The following THEMIS variants were observed in gnomAD, a reference collection of about 807,000 sequenced individuals.
The protein encoded by THEMIS is protein THEMIS.
Under a neutral mutation model 52.6 loss-of-function variants are expected in THEMIS, and 37 were observed. The ratio of observed to expected loss-of-function variants is 0.70; its 90% confidence interval spans 0.54 to 0.93. The LOEUF (loss-of-function observed/expected upper bound fraction) is 0.93, where lower values mean the gene tolerates loss of function less well. Among genes scored for constraint, THEMIS ranks in the 40% least tolerant of loss-of-function variants. The pLI is 0.00. For missense variants in THEMIS, 808 were observed against 763.1 expected, an observed-to-expected ratio of 1.06 and a Z score of -0.69; for synonymous variants, 292 against 272.7, an observed-to-expected ratio of 1.07 and a Z score of -0.70.
At chr6:127,779,690 G>A (rs1359726770) in intron 4 of THEMIS, among the ~76,000 whole-genome samples, 1 of 152,122 alleles carries the variant, frequency 6.6e-6, no homozygotes, top group East Asian at 1.9e-4. Context: ...CAAAAATAGT[G>A]GAGCTTGTCA....
chr6:127,794,744 TG>T, intron 4 of THEMIS, among the ~76,000 whole-genome samples: 1 of 152,358 alleles, frequency 6.6e-6, no homozygotes, highest in Non-Finnish European at 1.5e-5. Context: ...AGGTACACCT[TG>T]ATATTCTTTC....
At chr6:127,835,485 T>G (rs190287137) in intron 2 of THEMIS, among the ~76,000 whole-genome samples, 57 of 152,292 alleles carry the variant, frequency 3.7e-4, no homozygotes, top group Admixed American at 2.9e-3. Flanking sequence ...GGTGATTAAA[T>G]AAGCTAATAC....
intron 2 of THEMIS, among the ~76,000 whole-genome samples, chr6:127,834,739 A>G (rs999175018): frequency 1.3e-5 from 2 of 152,160 alleles, no homozygotes; most frequent in African/African-American, 2.4e-5. Flanking sequence ...TTGCATGGGG[A>G]AAACAAATAA....
intron 4 of THEMIS, among the ~76,000 whole-genome samples, chr6:127,748,386 G>C (rs1026454233): frequency 6.6e-6 from 1 of 151,852 alleles, no homozygotes; most frequent in African/African-American, 2.4e-5. Flanking sequence ...TGTGAAAAGG[G>C]GCAAAACACC....
intron 5 of THEMIS, among the ~76,000 whole-genome samples, chr6:127,718,566 C>T (rs752833036): frequency 3.9e-5 from 6 of 151,912 alleles, no homozygotes; most frequent in Non-Finnish European, 8.8e-5. Flanking sequence ...ATTGTGTTAT[C>T]TGGTACTTTT....
intron 4 of THEMIS, among the ~76,000 whole-genome samples, chr6:127,784,920 T>C (rs1019400166): frequency 2.6e-5 from 4 of 152,144 alleles, no homozygotes; most frequent in Non-Finnish European, 4.4e-5. Context: ...GCATTCTAAT[T>C]CTAAATCTTC....
In THEMIS at chr6:127,906,953, C is replaced by A. The variant is rs201186753; in HGVS notation, c.-149-5872G>T. Among the ~76,000 whole-genome samples, 701 of 140,698 alleles carry A rather than the reference C, an allele frequency of 5.0e-3. 7 individuals are homozygous for A. Among genetic ancestry groups the A allele is most frequent in the African/African-American group, 0.014 (487 of 35,900 alleles). The allele number at this position is 140,698 out of a possible 152,430, so 92.3% of individuals were successfully genotyped here. ...GTAGAACTGTCTGAATGTTAAAAAA[C>A]AAAAAAAAAAATTCACAAGCAGAGA... On this transcript the variant is annotated intron_variant, in intron 1 of 6. Coordinates refer to the THEMIS transcript ENST00000368250.
In THEMIS at chr6:127,772,613, T is replaced by C. The variant is rs1013616692; in HGVS notation, c.1758+40270A>G. 3.3e-5 allele frequency among the ~76,000 whole-genome samples: 5 copies of C among 152,160 alleles called. 1 individual carries two copies. The highest frequency in any genetic ancestry group is 3.3e-4 in the Admixed American group (5 of 15,272). On this transcript the variant is annotated intron_variant, in intron 4 of 5. Transcript: ENST00000368248. The stretch of plus-strand genomic sequence containing the variant: ...AGAATTTGGATGTGATACTTCATTT[T>C]TGTACAGTCAGAAGCACTCACATAT...
chr6:127,795,487 C>A (rs1488292338), intron 4 of THEMIS, among the ~76,000 whole-genome samples: 1 of 152,168 alleles, frequency 6.6e-6, no homozygotes, highest in Non-Finnish European at 1.5e-5. Context: ...TGCCACCACA[C>A]CCGGCTAATT....
intron 4 of THEMIS, among the ~76,000 whole-genome samples, chr6:127,726,794 A>C (rs1367434902): frequency 6.6e-6 from 1 of 152,130 alleles, no homozygotes; most frequent in Non-Finnish European, 1.5e-5. Context: ...TAGGTGGAGA[A>C]CCTCTTCACA....
chr6:127,789,116 AATAG>A lies in THEMIS; in HGVS notation c.1758+23763_1758+23766del, dbSNP rs571820882. Among the ~76,000 whole-genome samples, 946 of 152,296 alleles carry A rather than the reference AATAG, an allele frequency of 6.2e-3. 5 individuals carry two copies. The highest frequency in any genetic ancestry group is 0.016 in the South Asian group (75 of 4,830). On this transcript the variant is annotated intron_variant, in intron 4 of 5. Coordinates refer to ENST00000368248, the MANE Select transcript of THEMIS (RefSeq NM_001010923.3). ...GCTGATTTTTTGAAAAGATTAACAA[AATAG>A]ATAGACCACTAGCCAGACTAATAAA...
At chr6:127,743,803 C>T (rs1020414695) in intron 4 of THEMIS, among the ~76,000 whole-genome samples, 1 of 152,018 alleles carries the variant, frequency 6.6e-6, no homozygotes, top group Non-Finnish European at 1.5e-5. Context: ...CTGTTGAATA[C>T]AATATATAAA....
intron 4 of THEMIS, among the ~76,000 whole-genome samples, chr6:127,782,058 C>G (rs1361918919): frequency 6.6e-6 from 1 of 152,148 alleles, no homozygotes; most frequent in Non-Finnish European, 1.5e-5. Context: ...TGTGCTCCAC[C>G]CAGTTTGAAC....
intron 4 of THEMIS, among the ~76,000 whole-genome samples, chr6:127,802,186 T>G (rs1027644224): frequency 6.6e-6 from 1 of 152,144 alleles, no homozygotes; most frequent in African/African-American, 2.4e-5. Flanking sequence ...TTAGGGAGAT[T>G]GGGATGGTGG....
At chr6:127,899,594 G>T (rs2114500391) in intron 1 of THEMIS, among the ~76,000 whole-genome samples, 1 of 151,826 alleles carries the variant, frequency 6.6e-6, no homozygotes, top group African/African-American at 2.4e-5. Flanking sequence ...TCATAACATT[G>T]TCCTCCAAAT....
intron 4 of THEMIS, among the ~76,000 whole-genome samples, chr6:127,782,022 G>A (rs919546873): frequency 6.6e-6 from 1 of 152,100 alleles, no homozygotes; most frequent in African/African-American, 2.4e-5. Flanking sequence ...AGGCAGTCTG[G>A]CTACAGCAGC....
chr6:127,902,883 T>C (rs1490594098), upstream of THEMIS, among the ~76,000 whole-genome samples: 3 of 152,074 alleles, frequency 2.0e-5, no homozygotes, highest in Non-Finnish European at 2.9e-5. Flanking sequence ...TCATTTGATA[T>C]CTAATGCAAG....
chr6:127,847,683 T>C lies in THEMIS; in HGVS notation c.250+7347A>G, dbSNP rs1350120295. On this transcript the variant is annotated intron_variant, in intron 2 of 5. Transcript: ENST00000368248. ...TGGAAACACATCCCATGCTCACAGA[T>C]GGGAAGAGTCAATATTGTGAAAATG... is the stretch of plus-strand genomic sequence containing the variant. 6.6e-5 allele frequency among the ~76,000 whole-genome samples: 10 copies of C among 151,916 alleles called. No homozygotes were observed. The East Asian group carries it at 7.8e-4, about 12-fold the overall frequency.
At chr6:127,825,026 G>T (rs1378872298) in intron 3 of THEMIS, among the ~76,000 whole-genome samples, 1 of 152,102 alleles carries the variant, frequency 6.6e-6, no homozygotes, top group Non-Finnish European at 1.5e-5. Flanking sequence ...TATGTAAAAT[G>T]ATGTAAGAAA....
Sources: gnomAD v4.1 joint callset for allele counts (sites outside exome capture counted in the v4.1 genomes callset) on GRCh38, gnomAD v4.1.1 for gene constraint, MANE v1.5 for transcripts, NCBI Gene and HGNC (gene_info 2026-07-23, HGNC 2026-07-21) for gene names.